PIK3R1: variants seen among roughly 807,000 people sequenced by gnomAD.
The protein encoded by PIK3R1 is phosphoinositide-3-kinase regulatory subunit 1, also known as phosphatidylinositol 3-kinase regulatory subunit alpha.
Under a neutral mutation model 98.0 loss-of-function variants are expected in PIK3R1, and 29 were observed. The observed-to-expected ratio is 0.30, with a 90% CI of 0.22 to 0.40. The LOEUF (loss-of-function observed/expected upper bound fraction) is 0.40. Ranked by LOEUF, PIK3R1 falls within the 10% of genes least tolerant of loss-of-function variation. The pLI is 1.00. For missense variants in PIK3R1, 596 were observed against 872.7 expected, an observed-to-expected ratio of 0.68 and a Z score of 3.99; for synonymous variants, 282 against 311.8, an observed-to-expected ratio of 0.90 and a Z score of 1.01.
chr5:68,246,869 G>C (rs775103983), intron 2 of PIK3R1, among the ~76,000 whole-genome samples: 25 of 150,804 alleles, frequency 1.7e-4, no homozygotes, highest in Non-Finnish European at 3.5e-4. Flanking sequence ...AAATATTTTG[G>C]TTTTATGATT....
chr5:68,245,026 A>G (rs1435586375), intron 2 of PIK3R1, among the ~76,000 whole-genome samples: 1 of 152,220 alleles, frequency 6.6e-6, no homozygotes, highest in Non-Finnish European at 1.5e-5. Context: ...CAGGCATCCA[A>G]GTCACTCTGC....
chr5:68,239,016 TGAG>T (rs1744776730), intron 2 of PIK3R1, among the ~76,000 whole-genome samples: 2 of 151,676 alleles, frequency 1.3e-5, no homozygotes, highest in African/African-American at 4.8e-5. Context: ...AGTAGAGTTT[TGAG>T]GAGAAAAGAT....
chr5:68,281,558 G>C (rs1234249576), intron 7 of PIK3R1, among the ~76,000 whole-genome samples: 1 of 152,180 alleles, frequency 6.6e-6, no homozygotes, highest in Non-Finnish European at 1.5e-5. Flanking sequence ...AGGAAATGTA[G>C]ACCATGTTAG....
chr5:68,293,260 A>T (rs2112256159), intron 9 of PIK3R1, 43 bp from the exon 10 acceptor site: 1 of 1,595,998 alleles, frequency 6.3e-7, no homozygotes, highest in Non-Finnish European at 8.6e-7. Context: ...ATATTTCCTT[A>T]TTCCAAAATG....
At chr5:68,275,473 G>A (rs1746532674) in intron 4 of PIK3R1, among the ~76,000 whole-genome samples, 1 of 151,360 alleles carries the variant, frequency 6.6e-6, no homozygotes, top group Admixed American at 6.6e-5. Flanking sequence ...AGAAATAGTG[G>A]TTAGGTTTAT....
intron 2 of PIK3R1, among the ~76,000 whole-genome samples, chr5:68,245,151 T>G (rs1745035066): frequency 6.6e-6 from 1 of 152,228 alleles, no homozygotes; most frequent in Non-Finnish European, 1.5e-5. Flanking sequence ...CTATCTCTTA[T>G]TTTCTAATCC....
intron 7 of PIK3R1, chr5:68,291,496 A>C (rs1243558945): frequency 6.6e-6 from 1 of 150,794 alleles, no homozygotes; most frequent in African/African-American, 2.4e-5. Context: ...GTTTTATTCC[A>C]ATGTTAGCTC....
intron 2 of PIK3R1, among the ~76,000 whole-genome samples, chr5:68,252,183 A>G (rs1192535395): frequency 2.0e-5 from 3 of 152,202 alleles, no homozygotes; most frequent in African/African-American, 4.8e-5. Flanking sequence ...ACTCTCGGCC[A>G]TGCTGTCCTG....
Position 68,292,534 on chromosome 5 carries a change from G to T in PIK3R1, c.1019+173G>T, listed in dbSNP as rs577180689. 1.9e-3 allele frequency: 2,876 copies of T among 1,519,934 alleles called. 3 individuals carry two copies. Among genetic ancestry groups the T allele is most frequent in the Admixed American group, 2.5e-3 (126 of 50,582 alleles). 94.2% of individuals were successfully genotyped at this position (1,519,934 alleles called of 1,614,324 possible). A position where few individuals can be genotyped will look rare whatever the true frequency, so the allele number is the denominator to read the frequency against. On this transcript the variant is annotated intron_variant, in intron 8 of 15. Transcript: ENST00000521381. ...GAGCACTGGAGAACTGTGGGTGCTG[G>T]ATGCCACAGGAAATTAAATACCCGG...
intron 4 of PIK3R1, 78 bp from the exon 5 acceptor site, chr5:68,279,524 C>G: frequency 9.3e-7 from 1 of 1,080,416 alleles, no homozygotes; most frequent in African/African-American, 1.7e-5. Flanking sequence ...ACATGTGAGT[C>G]AAATTGTTCA....
intron 2 of PIK3R1, among the ~76,000 whole-genome samples, chr5:68,234,916 G>C (rs1033657139): frequency 1.3e-5 from 2 of 152,100 alleles, no homozygotes; most frequent in African/African-American, 4.8e-5. Context: ...AATGCTCTCA[G>C]ACTTGGCACA....
intron 7 of PIK3R1, among the ~76,000 whole-genome samples, chr5:68,290,388 G>A (rs373941333): frequency 2.5e-4 from 38 of 152,298 alleles, no homozygotes; most frequent in Non-Finnish European, 4.9e-4. Flanking sequence ...ACAGCAGAGC[G>A]TACCATGCTG....
At chr5:68,222,750 A>T (rs1228748796) in intron 1 of PIK3R1, among the ~76,000 whole-genome samples, 1 of 152,196 alleles carries the variant, frequency 6.6e-6, no homozygotes, top group African/African-American at 2.4e-5. Context: ...TTAAAGAGGC[A>T]GACAGACAGT....
At chr5:68,277,002 TA>T (rs796405658) in intron 4 of PIK3R1, among the ~76,000 whole-genome samples, 60 of 152,272 alleles carry the variant, frequency 3.9e-4, no homozygotes, top group African/African-American at 1.3e-3. Flanking sequence ...AGTGTCTTGT[TA>T]GAGGGGTGGC....
chr5:68,246,546 C>T (rs972088413), intron 2 of PIK3R1, among the ~76,000 whole-genome samples: 3 of 152,216 alleles, frequency 2.0e-5, no homozygotes, highest in African/African-American at 7.2e-5. Context: ...CGCCTGACCT[C>T]AAACGGTCCA....
intron 7 of PIK3R1, among the ~76,000 whole-genome samples, chr5:68,284,743 C>G (rs1016158199): frequency 1.3e-5 from 2 of 152,194 alleles, no homozygotes; most frequent in Non-Finnish European, 2.9e-5. Context: ...CTCTTCCTAG[C>G]AGAGAACTAG....
intron 2 of PIK3R1, among the ~76,000 whole-genome samples, chr5:68,242,517 T>C (rs1452157750): frequency 6.6e-6 from 1 of 152,174 alleles, no homozygotes; most frequent in East Asian, 1.9e-4. Context: ...CATGGGTAGA[T>C]AGGAACTCAA....
intron 2 of PIK3R1, among the ~76,000 whole-genome samples, chr5:68,259,408 C>T (rs1193432160): frequency 6.6e-6 from 1 of 152,200 alleles, no homozygotes; most frequent in Non-Finnish European, 1.5e-5. Flanking sequence ...CTAAACTCTA[C>T]TCATTGACTA....
At chr5:68,251,702 C>G (rs1745315344) in intron 2 of PIK3R1, among the ~76,000 whole-genome samples, 1 of 152,154 alleles carries the variant, frequency 6.6e-6, no homozygotes, top group Non-Finnish European at 1.5e-5. Context: ...TCCTTTCTTT[C>G]AAGTTTTTCA....
Sources: allele counts gnomAD v4.1 joint callset (sites outside exome capture counted in the v4.1 genomes callset), GRCh38; gene constraint gnomAD v4.1.1; transcripts MANE v1.5; gene names NCBI Gene and HGNC (gene_info 2026-07-23, HGNC 2026-07-21).